Variants in DYNC2LI1 observed in about 807,000 individuals in gnomAD.
The protein encoded by DYNC2LI1 is cytoplasmic dynein 2 light intermediate chain 1.
A neutral mutation model predicts 51.9 loss-of-function variants in DYNC2LI1; 45 were observed. That is an observed-to-expected ratio of 0.87 (90% CI 0.68 to 1.11). The LOEUF (loss-of-function observed/expected upper bound fraction) is 1.11, where lower values mean the gene tolerates loss of function less well. Among genes scored for constraint, DYNC2LI1 ranks in the 50% most tolerant of loss-of-function variants. The pLI is 0.00. For synonymous variants in DYNC2LI1, 130 were observed against 137.8 expected (o/e 0.94, Z 0.40); for missense variants, 490 against 417.4 (o/e 1.17, Z -1.51).
chr2:43,797,616 T>C (rs1665926312), intron 8 of DYNC2LI1, among the ~76,000 whole-genome samples: 1 of 149,092 alleles, frequency 6.7e-6, no homozygotes, highest in African/African-American at 2.5e-5. Flanking sequence ...ATCTCCTGGG[T>C]TCAAGTGATT....
chr2:43,807,146 A>G (rs1666289158), intron 12 of DYNC2LI1, among the ~76,000 whole-genome samples: 1 of 152,124 alleles, frequency 6.6e-6, no homozygotes, highest in Admixed American at 6.5e-5. Context: ...ATACTATTTC[A>G]TGAGTAGTTG....
intron 2 of DYNC2LI1, among the ~76,000 whole-genome samples, chr2:43,777,746 T>A (rs970287758): frequency 1.3e-5 from 2 of 152,240 alleles, no homozygotes; most frequent in Admixed American, 6.5e-5. Context: ...GCACCCGTCT[T>A]GTCTCCAGAT....
intron 3 of DYNC2LI1, among the ~76,000 whole-genome samples, chr2:43,784,194 A>G (rs1673415939): frequency 1.3e-5 from 2 of 152,230 alleles, no homozygotes; most frequent in South Asian, 2.1e-4. Context: ...CACTCATTTG[A>G]AAAATATTTT....
In DYNC2LI1 at chr2:43,802,361, A is replaced by G. The variant is rs373837470; in HGVS notation, c.802+652A>G. Among the ~76,000 whole-genome samples, 2 of 150,024 alleles carry G rather than the reference A, an allele frequency of 1.3e-5. 1 individual carries two copies. The highest frequency in any genetic ancestry group is 4.9e-5 in the African/African-American group (2 of 40,932). On this transcript the variant is annotated intron_variant, in intron 10 of 12. Coordinates refer to ENST00000260605, the MANE Select transcript of DYNC2LI1 (RefSeq NM_016008.4). The stretch of plus-strand genomic sequence containing the variant: ...TGGCGTAGTTTGCTTTTAAAACTCT[A>G]ATGGGCAGTAGGGTTTTTTTTTTTT...
chr2:43,815,910 GAAAA>G, the DYNC2LI1 span, among the ~76,000 whole-genome samples: 1 of 104,062 alleles, frequency 9.6e-6, no homozygotes, highest in Non-Finnish European at 2.1e-5. Flanking sequence ...AACAGGAAAA[GAAAA>G]AAAAAAAAAA....
Position 43,776,863 on chromosome 2 carries a change from A to G in DYNC2LI1, c.90A>G (p.Ala30=). ...GTGAAGGTGATGGAGCTGAAATTGC[A>G]GAAAAATTTGTTTTCTTCATTGGCA... ...NGSEGDGAEI[A]EKFVFFIGSK... is the part of the protein sequence containing the mutation. The change falls in exon 2 of 13, where the codon GCA becomes GCG. Residue 30 remains alanine, a synonymous_variant. Coordinates refer to ENST00000260605, the MANE Select transcript of DYNC2LI1 (RefSeq NM_016008.4). 1.2e-6 allele frequency: 2 copies of G among 1,605,464 alleles called. No individual in the cohort carries two copies. Among genetic ancestry groups the G allele is most frequent in the Middle Eastern group, 1.7e-4 (1 of 6,036 alleles).
chr2:43,809,067 C>T (rs1386818989), intron 12 of DYNC2LI1, among the ~76,000 whole-genome samples: 1 of 152,044 alleles, frequency 6.6e-6, no homozygotes, highest in Non-Finnish European at 1.5e-5. Flanking sequence ...CAGTTTACTG[C>T]AGCCTTGGCC....
intron 3 of DYNC2LI1, among the ~76,000 whole-genome samples, chr2:43,785,714 A>ATAAAT (rs537764169): frequency 6.6e-6 from 1 of 151,210 alleles, no homozygotes; most frequent in Non-Finnish European, 1.5e-5. Context: ...AAATAAATAA[A>ATAAAT]TAAAATAAAA....
At chr2:43,776,580 C>A (rs1179530275) in intron 1 of DYNC2LI1, among the ~76,000 whole-genome samples, 1 of 152,134 alleles carries the variant, frequency 6.6e-6, no homozygotes, top group Admixed American at 6.5e-5. Flanking sequence ...CAGTATTCTT[C>A]AGAGAACTAG....
chr2:43,826,477 T>G, the DYNC2LI1 span: 1 of 1,614,142 alleles, frequency 6.2e-7, no homozygotes, highest in Non-Finnish European at 8.5e-7. Flanking sequence ...TGATTAGCAG[T>G]CATGCAGTCC....
chr2:43,777,631 T>C (rs192667083), intron 2 of DYNC2LI1, among the ~76,000 whole-genome samples: 1 of 152,362 alleles, frequency 6.6e-6, no homozygotes, highest in East Asian at 1.9e-4. Flanking sequence ...CTGTGCTCCA[T>C]GCTTCCACTT....
At chr2:43,775,854 ATT>A (rs57868887) in intron 1 of DYNC2LI1, 1,203 of 50,134 alleles carry the variant, frequency 0.024, no homozygotes, top group Middle Eastern at 0.077. Flanking sequence ...CACCTGGCCA[ATT>A]TTTTTTTTTT....
chr2:43,774,268 G>T, intron 1 of DYNC2LI1, 122 bp downstream of exon 1: 1 of 1,335,662 alleles, frequency 7.5e-7, no homozygotes, highest in East Asian at 2.5e-5. Context: ...AGGATATGCA[G>T]GGTCGGGGAC....
chr2:43,823,036 G>A, the DYNC2LI1 span: 12 of 1,511,150 alleles, frequency 7.9e-6, no homozygotes, highest in Non-Finnish European at 1.1e-5. Flanking sequence ...GCTGGATGGT[G>A]AGGACCAGCT....
intron 5 of DYNC2LI1, among the ~76,000 whole-genome samples, chr2:43,791,901 A>G (rs1465644549): frequency 6.6e-6 from 1 of 152,214 alleles, no homozygotes; most frequent in Non-Finnish European, 1.5e-5. Context: ...TTTGCTATGA[A>G]ATAGGTAAAA....
At chr2:43,793,035 T>G in intron 5 of DYNC2LI1, 1 of 330,058 alleles carries the variant, frequency 3.0e-6, no homozygotes, top group Non-Finnish European at 5.4e-6. Flanking sequence ...AATTGCTGGA[T>G]CATCTGGTAA....
At chr2:43,781,601 C>CTTTTT (rs1406731600) in intron 2 of DYNC2LI1, 3 of 133,356 alleles carry the variant, frequency 2.2e-5, no homozygotes, top group African/African-American at 6.0e-5. Context: ...TCCTGATTTT[C>CTTTTT]TTTTTCTTTT....
At chr2:43,782,882 T>A (rs1200846144) in intron 2 of DYNC2LI1, among the ~76,000 whole-genome samples, 2 of 152,060 alleles carry the variant, frequency 1.3e-5, no homozygotes, top group Non-Finnish European at 2.9e-5. Context: ...CTTGAGAGGG[T>A]GAGGCACGAG....
the DYNC2LI1 span, chr2:43,828,049 A>G: frequency 6.2e-7 from 1 of 1,614,116 alleles, no homozygotes; most frequent in African/African-American, 1.3e-5. Flanking sequence ...ATGCCCCCCA[A>G]GCTGTAGTTG....
Sources: gnomAD v4.1 joint callset for allele counts (sites outside exome capture counted in the v4.1 genomes callset) on GRCh38, gnomAD v4.1.1 for gene constraint, MANE v1.5 for transcripts, NCBI Gene and HGNC (gene_info 2026-07-23, HGNC 2026-07-21) for gene names.